CSMD1: variants seen among roughly 807,000 people sequenced by gnomAD.
CSMD1 encodes CUB and sushi domain-containing protein 1.
In CSMD1, 213 loss-of-function variants were observed where a neutral mutation model predicts 417.5. That is an observed-to-expected ratio of 0.51 (90% CI 0.46 to 0.57). The LOEUF (loss-of-function observed/expected upper bound fraction) is 0.57. CSMD1 is among the 20% of genes least tolerant of loss of function. The pLI is 0.00. For missense variants in CSMD1, 6,923 were observed against 4,529.7 expected (o/e 1.53, Z -15.17); for synonymous variants, 2,862 against 1,736.8 (o/e 1.65, Z -16.11).
intron 7 of CSMD1, among the ~76,000 whole-genome samples, chr8:3,687,445 A>G (rs1257268285): frequency 6.6e-6 from 1 of 152,250 alleles, no homozygotes; most frequent in East Asian, 1.9e-4. Context: ...AAATTATGGA[A>G]GCAGAGCCTT....
chr8:3,292,504 C>G (rs568371189), intron 25 of CSMD1, among the ~76,000 whole-genome samples: 6 of 152,090 alleles, frequency 3.9e-5, no homozygotes, highest in African/African-American at 7.2e-5. Flanking sequence ...CAAGAATCTG[C>G]GTGCTCCTGT....
intron 8 of CSMD1, among the ~76,000 whole-genome samples, chr8:3,603,808 G>A (rs1801476854): frequency 6.6e-6 from 1 of 152,160 alleles, no homozygotes; most frequent in East Asian, 1.9e-4. Context: ...TGGGAAGAAG[G>A]AATAACAATC....
chr8:4,154,597 G>C (rs1265709988), intron 3 of CSMD1, among the ~76,000 whole-genome samples: 1 of 152,120 alleles, frequency 6.6e-6, no homozygotes, highest in Non-Finnish European at 1.5e-5. Context: ...TTTGGCAATA[G>C]GAATGCATGA....
chr8:4,659,939 C>T (rs1585407673), intron 1 of CSMD1, among the ~76,000 whole-genome samples: 1 of 151,864 alleles, frequency 6.6e-6, no homozygotes, highest in African/African-American at 2.4e-5. Context: ...AGGATCAAAA[C>T]ACTCTGAAAA....
Position 4,787,951 on chromosome 8 carries a change from G to A in CSMD1, c.86-150393C>T, listed in dbSNP as rs1049343879. The A allele has an allele frequency of 2.9e-5, 46 of 1,594,896 alleles. 1 individual carries two copies. The highest frequency in any genetic ancestry group is 8.0e-5 in the African/African-American group (6 of 74,576). On this transcript the variant is annotated intron_variant, in intron 1 of 69. Transcript: ENST00000635120. ...GCTGATGTAATTGACAATGATTCCTGGAGACTCTGGCCATCAGGAGATCGA... is the reference window on the plus strand; with the variant it reads ...GCTGATGTAATTGACAATGATTCCTAGAGACTCTGGCCATCAGGAGATCGA...
chr8:2,961,782 A>G (rs1297110184), intron 61 of CSMD1, among the ~76,000 whole-genome samples: 2 of 152,218 alleles, frequency 1.3e-5, no homozygotes, highest in Admixed American at 6.5e-5. Context: ...GAAAAACAAA[A>G]CAGATAACTT....
At chr8:4,388,777 A>G (rs1046822003) in intron 3 of CSMD1, among the ~76,000 whole-genome samples, 1 of 152,216 alleles carries the variant, frequency 6.6e-6, no homozygotes, top group Non-Finnish European at 1.5e-5. Context: ...CTTTCTGTGT[A>G]TTCAGTCCTT....
At chr8:3,794,506 T>C (rs934408065) in intron 5 of CSMD1, among the ~76,000 whole-genome samples, 1 of 152,174 alleles carries the variant, frequency 6.6e-6, no homozygotes, top group African/African-American at 2.4e-5. Context: ...TGCATTACAT[T>C]GTATTGTGTG....
At position 3,407,985 on chromosome 8, in the gene CSMD1, T is replaced by C. The variant is rs1812456910; in HGVS notation, c.1985A>G (p.Gln662Arg). The change falls in exon 14 of 70, where the codon CAG becomes CGG. Residue 662 changes from glutamine to arginine, a missense_variant. Physicochemically the swap from Gln to Arg is conservative, Grantham distance 43 (BLOSUM62 1). Transcript: ENST00000635120. ...AACTATATGCCCACTGCTGGCCAGC[T>C]GGGAAGGCACTTCATTGCCAGAAAA... The part of the protein sequence containing the change: ...GTFSGNEVPS[Q>R]LASSGHIVRL... 2 of 1,613,946 alleles carry C rather than the reference T, an allele frequency of 1.2e-6. No individual in the cohort carries two copies. The highest frequency in any genetic ancestry group is 1.7e-6 in the Non-Finnish European group (2 of 1,179,884).
chr8:3,663,832 C>G (rs751682222), intron 7 of CSMD1, among the ~76,000 whole-genome samples: 2 of 152,070 alleles, frequency 1.3e-5, no homozygotes, highest in African/African-American at 2.4e-5. Context: ...CTCTGACCAC[C>G]GGGGGCACGT....
chr8:3,029,418 G>A lies in CSMD1; in HGVS notation c.7756C>T (p.Leu2586=), dbSNP rs774587000. Residue 2586 remains leucine, a synonymous_variant, in exon 51 of 70, where the codon CTG becomes TTG. Coordinates refer to ENST00000635120, the MANE Select transcript of CSMD1 (RefSeq NM_033225.6). ...SLNEYGAQVL[L]SCSPGYYLEG... is the part of the protein sequence containing the mutation. ...AAGTAGTAACCAGGACTGCAGCTCA[G>A]CAATACTTGAGCACCGTACTCATTC... The A allele has an allele frequency of 8.9e-5, 144 of 1,611,462 alleles. 1 individual carries two copies. The highest frequency in any genetic ancestry group is 1.2e-4 in the Non-Finnish European group (141 of 1,179,238).
chr8:4,433,997 T>G (rs1449132447), intron 2 of CSMD1, among the ~76,000 whole-genome samples: 1 of 152,144 alleles, frequency 6.6e-6, no homozygotes, highest in Non-Finnish European at 1.5e-5. Flanking sequence ...AGCCTCAAGA[T>G]TAACAGCTTC....
chr8:4,575,948 A>G (rs954686479), intron 2 of CSMD1, among the ~76,000 whole-genome samples: 1 of 152,210 alleles, frequency 6.6e-6, no homozygotes, highest in Non-Finnish European at 1.5e-5. Context: ...GCACATCACC[A>G]AATCAAACTC....
chr8:3,691,127 G>T (rs186174924), intron 7 of CSMD1, among the ~76,000 whole-genome samples: 1 of 152,120 alleles, frequency 6.6e-6, no homozygotes, highest in African/African-American at 2.4e-5. Flanking sequence ...AGCACTTTGG[G>T]AGGCCGGGGC....
intron 10 of CSMD1, among the ~76,000 whole-genome samples, chr8:3,509,871 G>C (rs974143163): frequency 6.6e-6 from 1 of 152,104 alleles, no homozygotes; most frequent in Non-Finnish European, 1.5e-5. Context: ...CAACTCTGTG[G>C]CCATGGTAAA....
At chr8:4,844,936 G>C (rs1585201652) in intron 1 of CSMD1, among the ~76,000 whole-genome samples, 1 of 152,060 alleles carries the variant, frequency 6.6e-6, no homozygotes, top group Admixed American at 6.5e-5. Context: ...TTCCCAAATA[G>C]ACACCAGTCA....
chr8:3,937,200 G>T (rs1002122968), intron 5 of CSMD1, among the ~76,000 whole-genome samples: 19 of 152,138 alleles, frequency 1.2e-4, no homozygotes, highest in African/African-American at 4.3e-4. Context: ...GAACATTGTT[G>T]AAATGACAAC....
At chr8:3,862,329 T>G (rs1804772002) in intron 5 of CSMD1, among the ~76,000 whole-genome samples, 1 of 152,218 alleles carries the variant, frequency 6.6e-6, no homozygotes, top group Non-Finnish European at 1.5e-5. Context: ...CCCAAGGGCG[T>G]CCACCAGGTG....
intron 3 of CSMD1, among the ~76,000 whole-genome samples, chr8:4,258,322 G>C (rs866432958): frequency 1.5e-3 from 142 of 91,710 alleles, no homozygotes; most frequent in African/African-American, 6.7e-3. Flanking sequence ...GGAGGAGAGG[G>C]AGAAAGAGAG....
Sources: gnomAD v4.1 joint callset for allele counts (sites outside exome capture counted in the v4.1 genomes callset) on GRCh38, gnomAD v4.1.1 for gene constraint, MANE v1.5 for transcripts, NCBI Gene and HGNC (gene_info 2026-07-23, HGNC 2026-07-21) for gene names.